Variants in PDE6A observed in about 807,000 individuals in gnomAD.
PDE6A encodes the protein phosphodiesterase 6A, also known as rod cGMP-specific 3',5'-cyclic phosphodiesterase subunit alpha.
PDE6A carries 84 observed loss-of-function variants against 106.3 expected under a neutral mutation model. The ratio of observed to expected loss-of-function variants is 0.79; its 90% CI spans 0.66 to 0.95. The LOEUF (loss-of-function observed/expected upper bound fraction) is 0.95. PDE6A is among the 40% of genes least tolerant of loss of function. The pLI is 0.00. For synonymous variants in PDE6A, 394 were observed against 386.6 expected (o/e 1.02, Z -0.23); for missense variants, 1,052 against 1,084.9 (o/e 0.97, Z 0.43).
intron 4 of PDE6A, among the ~76,000 whole-genome samples, chr5:149,924,812 C>T (rs1753826702): frequency 6.6e-6 from 1 of 152,124 alleles, no homozygotes; most frequent in South Asian, 2.1e-4. Context: ...TCCTTTTGAC[C>T]CACTTGTTGA....
chr5:149,861,018 A>G (rs747957450), intron 21 of PDE6A, 47 bp from the exon 22 acceptor site: 21 of 1,553,852 alleles, frequency 1.4e-5, no homozygotes, highest in Non-Finnish European at 1.5e-5. Context: ...AAGAGGCTGC[A>G]GTGGGCTTCC....
intron 6 of PDE6A, 89 bp downstream of exon 6, chr5:149,914,854 T>C (rs1753502560): frequency 8.1e-6 from 7 of 860,034 alleles, no homozygotes; most frequent in South Asian, 7.9e-5. Context: ...TGGAATGAAG[T>C]GTTGCCCAAT....
At chr5:149,870,784 A>C (rs1187492959) in intron 17 of PDE6A, among the ~76,000 whole-genome samples, 2 of 151,398 alleles carry the variant, frequency 1.3e-5, no homozygotes, top group Admixed American at 1.3e-4. Flanking sequence ...AAAAAAAAAA[A>C]AAAAAAAACT....
Position 149,934,608 on chromosome 5 carries a change from C to T in PDE6A, c.585G>A (p.Val195=). Residue 195 remains valine, a synonymous_variant, in exon 2 of 22, where the codon GTG becomes GTA. Transcript: ENST00000255266. ...GKDVVAIIMA[V]NKVDGSHFTK... Reference sequence around the variant, plus strand: ...TGAAGTGGGATCCATCCACTTTATTCACAGCCATGATTATGGCCACCACAT... The same window carrying T: ...TGAAGTGGGATCCATCCACTTTATTTACAGCCATGATTATGGCCACCACAT... The T allele has an allele frequency of 1.2e-6, 2 of 1,614,192 alleles. No individual in the cohort carries two copies. Among genetic ancestry groups the T allele is most frequent in the Non-Finnish European group, 1.7e-6 (2 of 1,179,992 alleles).
At chr5:149,897,852 G>A (rs553436841) in intron 10 of PDE6A, among the ~76,000 whole-genome samples, 1 of 152,142 alleles carries the variant, frequency 6.6e-6, no homozygotes, top group Non-Finnish European at 1.5e-5. Context: ...CTCCCAAAGT[G>A]CTGAGATTAT....
intron 14 of PDE6A, among the ~76,000 whole-genome samples, chr5:149,885,598 T>A (rs1752265904): frequency 6.6e-6 from 1 of 152,226 alleles, no homozygotes; most frequent in Admixed American, 6.5e-5. Flanking sequence ...GATGAGTGAA[T>A]GAACCATTAC....
intron 2 of PDE6A, 125 bp from the exon 3 acceptor site, chr5:149,934,144 T>A (rs1754121094): frequency 5.7e-6 from 4 of 703,666 alleles, no homozygotes; most frequent in Non-Finnish European, 1.0e-5. Flanking sequence ...GGCAGATGGA[T>A]CCTAGAATGC....
intron 17 of PDE6A, among the ~76,000 whole-genome samples, chr5:149,869,313 G>C (rs142762036): frequency 0.011 from 1,506 of 135,422 alleles, 16 homozygotes; most frequent in Middle Eastern, 0.05. Context: ...CTGGGCGACA[G>C]ATCGAGACTC....
At chr5:149,930,724 A>G (rs145600975) in intron 4 of PDE6A, among the ~76,000 whole-genome samples, 1 of 152,230 alleles carries the variant, frequency 6.6e-6, no homozygotes, top group East Asian at 1.9e-4. Context: ...TGGACTCTCA[A>G]CCCACATAGA....
chr5:149,921,849 C>A lies in PDE6A; in HGVS notation c.859-140G>T, dbSNP rs72830289. ...TCAGTGAAACCTAAACTTGGAAAGGCAGTAAGACTCACTACAGTTAGAAAA... is the reference window on the plus strand; with the variant it reads ...TCAGTGAAACCTAAACTTGGAAAGGAAGTAAGACTCACTACAGTTAGAAAA... On this transcript the variant is annotated intron_variant, in intron 4 of 21. Transcript: ENST00000255266. 66,335 of 726,252 alleles carry A rather than the reference C, an allele frequency of 0.091. 3,320 individuals are homozygous for A. The highest frequency in any genetic ancestry group is 0.15 in the African/African-American group (8,626 of 56,752). 45.0% of individuals were successfully genotyped at this position (726,252 alleles called of 1,614,324 possible). A position where few individuals can be genotyped will look rare whatever the true frequency, so the allele number is the denominator to read the frequency against.
intron 5 of PDE6A, among the ~76,000 whole-genome samples, chr5:149,919,229 G>A (rs756353715): frequency 3.9e-5 from 6 of 152,112 alleles, no homozygotes; most frequent in Admixed American, 6.5e-5. Flanking sequence ...TTTCTAGGCC[G>A]GGTGCGGTGG....
rs543046669 is a variant in PDE6A at position 149,884,647 on chromosome 5, T to C, written c.1927-68A>G. On this transcript the variant is annotated intron_variant, in intron 15 of 21. Coordinates refer to ENST00000255266, the MANE Select transcript of PDE6A (RefSeq NM_000440.3). The stretch of plus-strand genomic sequence containing the variant: ...GGCAGTAAAGTCACCCACCTACCAA[T>C]GGCCACCCCAGATGATGGCAGAGGC... 68 of 1,435,208 alleles carry C rather than the reference T, an allele frequency of 4.7e-5. No individual in the cohort carries two copies. The African/African-American group carries it at 9.0e-4, about 19-fold the overall frequency. The allele number at this position is 1,435,208 out of a possible 1,614,324, so 88.9% of individuals were successfully genotyped here. A position where few individuals can be genotyped will look rare whatever the true frequency, so the allele number is the denominator to read the frequency against.
At chr5:149,873,523 G>T (rs1439736863) in intron 17 of PDE6A, among the ~76,000 whole-genome samples, 1 of 151,948 alleles carries the variant, frequency 6.6e-6, no homozygotes, top group Non-Finnish European at 1.5e-5. Context: ...ATAGAGACAG[G>T]GTTTCATCAC....
rs752808120 is a variant in PDE6A, at chr5:149,863,393, C to T, written c.2359-127G>A. On this transcript the variant is annotated intron_variant, in intron 20 of 21. Coordinates refer to ENST00000255266, the MANE Select transcript of PDE6A (RefSeq NM_000440.3). The surrounding 1 kb of genome is among the most constrained non-coding windows in gnomAD (Gnocchi z 4.7). ...TTCGGAGTAGCAGGCCTCCCGCCAC[C>T]GTGCTGATACTGCAGGGCCTCCGGT... 1.1e-4 allele frequency: 94 copies of T among 889,278 alleles called. 2 individuals carry two copies. Among genetic ancestry groups the T allele is most frequent in the South Asian group, 6.0e-4 (43 of 71,180 alleles). The allele number at this position is 889,278 out of a possible 1,614,324, so 55.1% of individuals were successfully genotyped here. A position where few individuals can be genotyped will look rare whatever the true frequency, so the allele number is the denominator to read the frequency against.
chr5:149,863,271 AAG>A lies in PDE6A; in HGVS notation c.2359-7_2359-6del, dbSNP rs750455443. ...CTCGTGGAAACGGGAGAATTCCTAG[AAG>A]AGAGAGTATGTGCCTCTGGTGCAAG... On this transcript the variant is annotated splice_region_variant and splice_polypyrimidine_tract_variant and intron_variant, in intron 20 of 21. Transcript: ENST00000255266. This position sits in a 1 kb window ranked among gnomAD's most constrained non-coding sequence, Gnocchi z 4.7. 6.2e-7 allele frequency: 1 copy of A among 1,614,136 alleles called. No homozygotes were observed. The highest frequency in any genetic ancestry group is 1.7e-5 in the Admixed American group (1 of 60,016).
At chr5:149,914,860 C>G (rs1753502671) in intron 6 of PDE6A, 83 bp downstream of exon 6, 2 of 915,234 alleles carry the variant, frequency 2.2e-6, no homozygotes, top group Non-Finnish European at 3.7e-6. Flanking sequence ...GAAGTGTTGC[C>G]CAATTCCAGA....
rs6864267 is a variant in PDE6A at position 149,868,175 on chromosome 5, C to A, written c.2136-17G>T. On this transcript the variant is annotated splice_polypyrimidine_tract_variant and intron_variant, in intron 17 of 21. Transcript: ENST00000255266. Reference sequence around the variant, plus strand: ...ATCATGGCCCTGGGCACACAGGACACCCTCTATCAGTCCAGGGCCATTTAA... The same window carrying A: ...ATCATGGCCCTGGGCACACAGGACAACCTCTATCAGTCCAGGGCCATTTAA... 93,733 of 1,612,408 alleles carry A rather than the reference C, an allele frequency of 0.058. 3,576 individuals are homozygous for A. Among genetic ancestry groups the A allele is most frequent in the African/African-American group, 0.19 (14,541 of 74,922 alleles).
chr5:149,913,843 G>C (rs552131589), intron 6 of PDE6A, among the ~76,000 whole-genome samples: 1 of 152,302 alleles, frequency 6.6e-6, no homozygotes, highest in East Asian at 1.9e-4. Context: ...AAAAGTATAA[G>C]CCCATATTTA....
intron 17 of PDE6A, among the ~76,000 whole-genome samples, chr5:149,870,658 A>C (rs1257604783): frequency 6.6e-6 from 1 of 151,688 alleles, no homozygotes; most frequent in South Asian, 2.1e-4. Context: ...ATGAGGCTTC[A>C]CATTCACTCC....
Sources: allele counts gnomAD v4.1 joint callset (sites outside exome capture counted in the v4.1 genomes callset), GRCh38; gene constraint gnomAD v4.1.1; non-coding constraint Gnocchi (gnomAD v3.1); transcripts MANE v1.5; gene names NCBI Gene and HGNC (gene_info 2026-07-23, HGNC 2026-07-21).